ST7: variants seen among roughly 807,000 people sequenced by gnomAD.
ST7 encodes suppressor of tumorigenicity 7 protein.
ST7 carries 28 observed loss-of-function variants against 78.7 expected under a neutral mutation model. That is an observed-to-expected ratio of 0.36 (90% CI 0.26 to 0.49). The LOEUF is 0.49. Ranked by LOEUF, ST7 falls within the 20% of genes least tolerant of loss-of-function variation. ST7 has a pLI of 0.99. For missense variants in ST7, 418 were observed against 696.0 expected, an observed-to-expected ratio of 0.60 and a Z score of 4.49; for synonymous variants, 247 against 249.6, an observed-to-expected ratio of 0.99 and a Z score of 0.10.
At chr7:117,097,393 T>TTGAC (rs1584646888) in intron 1 of ST7, among the ~76,000 whole-genome samples, 2 of 151,914 alleles carry the variant, frequency 1.3e-5, no homozygotes, top group East Asian at 3.9e-4. Context: ...TGGTGTGATC[T>TTGAC]TGACTCACGG....
intron 1 of ST7, among the ~76,000 whole-genome samples, chr7:116,976,115 A>AT (rs563564027): frequency 9.9e-5 from 15 of 152,046 alleles, no homozygotes; most frequent in Non-Finnish European, 2.2e-4. Context: ...TACAAAAAAA[A>AT]TTAGCTGGGC....
At chr7:116,967,256 C>G (rs997466458) in intron 1 of ST7, 5 of 470,636 alleles carry the variant, frequency 1.1e-5, no homozygotes, top group Non-Finnish European at 2.2e-5. Context: ...CTGGAAGACC[C>G]CATTCCCCTG....
chr7:117,086,116 T>C (rs910782514), intron 1 of ST7, among the ~76,000 whole-genome samples: 1 of 152,116 alleles, frequency 6.6e-6, no homozygotes, highest in Non-Finnish European at 1.5e-5. Flanking sequence ...GTTTCTTTCT[T>C]TTTTTTGTTT....
intron 12 of ST7, among the ~76,000 whole-genome samples, chr7:117,197,927 CA>C (rs1028116043): frequency 6.6e-6 from 1 of 151,976 alleles, no homozygotes; most frequent in African/African-American, 2.4e-5. Flanking sequence ...CACAAACAAA[CA>C]AAAAAATTAG....
intron 2 of ST7, among the ~76,000 whole-genome samples, chr7:117,114,139 G>A (rs969283635): frequency 9.9e-5 from 15 of 152,026 alleles, no homozygotes; most frequent in African/African-American, 3.6e-4. Context: ...TGGCTGCAGA[G>A]GGATTGGCTG....
chr7:117,224,135 T>C (rs1158330738), intron 15 of ST7, among the ~76,000 whole-genome samples: 1 of 152,214 alleles, frequency 6.6e-6, no homozygotes, highest in Non-Finnish European at 1.5e-5. Context: ...CATTTGATTA[T>C]TGGATGACTC....
chr7:116,994,998 G>A (rs978830678), intron 1 of ST7, among the ~76,000 whole-genome samples: 1 of 151,972 alleles, frequency 6.6e-6, no homozygotes, highest in Non-Finnish European at 1.5e-5. Context: ...TTCTGGTTGG[G>A]TTTAGCCCAT....
intron 1 of ST7, among the ~76,000 whole-genome samples, chr7:117,064,198 T>C (rs923737729): frequency 3.9e-5 from 6 of 152,150 alleles, no homozygotes. Context: ...GTTTTTTTTC[T>C]TTTATATTAT....
chr7:117,097,908 ATTT>A lies in ST7; in HGVS notation c.152-1836_152-1834del, dbSNP rs751549285. ...TATATATATATATATATATATATAT[ATTT>A]TTTTTTTTTTTTTTTTTGATGGCCA... is the stretch of plus-strand genomic sequence containing the variant. On this transcript the variant is annotated intron_variant, in intron 1 of 15. Transcript: ENST00000323984. Among the ~76,000 whole-genome samples, 131 of 29,984 alleles carry A rather than the reference ATTT, an allele frequency of 4.4e-3. 4 individuals carry two copies. The highest frequency in any genetic ancestry group is 8.5e-3 in the East Asian group (5 of 586). The allele number at this position is 29,984 out of a possible 152,430, so 19.7% of individuals were successfully genotyped here.
intron 1 of ST7, among the ~76,000 whole-genome samples, chr7:117,050,227 AAG>A (rs1797708913): frequency 6.6e-6 from 1 of 151,788 alleles, no homozygotes; most frequent in Non-Finnish European, 1.5e-5. Flanking sequence ...AAAAAAAAAA[AAG>A]AAAAAAAGAA....
At chr7:117,048,425 A>C (rs1797602306) in intron 1 of ST7, among the ~76,000 whole-genome samples, 1 of 152,172 alleles carries the variant, frequency 6.6e-6, no homozygotes, top group Non-Finnish European at 1.5e-5. Context: ...ATCTTCTGGT[A>C]GATTATCTAA....
At chr7:117,102,822 A>G (rs762115976) in intron 2 of ST7, among the ~76,000 whole-genome samples, 5 of 152,274 alleles carry the variant, frequency 3.3e-5, no homozygotes, top group East Asian at 3.9e-4. Context: ...ATGATCTTAT[A>G]TTTAGAAAAA....
chr7:117,059,164 G>A (rs1289714255), intron 1 of ST7, among the ~76,000 whole-genome samples: 1 of 152,108 alleles, frequency 6.6e-6, no homozygotes, highest in Non-Finnish European at 1.5e-5. Context: ...TAATTTAATT[G>A]TACATTTAGA....
chr7:117,062,570 T>C (rs1354531976), intron 1 of ST7, among the ~76,000 whole-genome samples: 2 of 152,218 alleles, frequency 1.3e-5, no homozygotes, highest in South Asian at 2.1e-4. Flanking sequence ...AGCAGTGCCA[T>C]TCATGTGTTT....
At chr7:116,965,164 G>A (rs1346724147) in intron 1 of ST7, among the ~76,000 whole-genome samples, 2 of 151,878 alleles carry the variant, frequency 1.3e-5, no homozygotes, top group South Asian at 2.1e-4. Context: ...ACGGTGAAAC[G>A]CTATCTCTAC....
chr7:117,058,364 A>C (rs1242324729), intron 1 of ST7, among the ~76,000 whole-genome samples: 1 of 152,176 alleles, frequency 6.6e-6, no homozygotes, highest in East Asian at 1.9e-4. Flanking sequence ...ATTAATGATC[A>C]GTTTGCATAA....
At chr7:116,998,347 G>A (rs754261272) in intron 1 of ST7, among the ~76,000 whole-genome samples, 80 of 152,214 alleles carry the variant, frequency 5.3e-4, no homozygotes, top group Non-Finnish European at 6.2e-4. Context: ...CGCAAGTGCC[G>A]TGTGCAGCCC....
intron 10 of ST7, among the ~76,000 whole-genome samples, chr7:117,172,219 A>C (rs903014654): frequency 6.6e-6 from 1 of 152,346 alleles, no homozygotes; most frequent in South Asian, 2.1e-4. Context: ...CACTGGGAGT[A>C]CAGGCGTGAG....
chr7:117,005,218 T>C (rs1795107289), intron 1 of ST7, among the ~76,000 whole-genome samples: 1 of 152,222 alleles, frequency 6.6e-6, no homozygotes, highest in African/African-American at 2.4e-5. Flanking sequence ...TTTATAATAT[T>C]GACAAAAATA....
Sources: gnomAD v4.1 joint callset for allele counts (sites outside exome capture counted in the v4.1 genomes callset) on GRCh38, gnomAD v4.1.1 for gene constraint, MANE v1.5 for transcripts, NCBI Gene and HGNC (gene_info 2026-07-23, HGNC 2026-07-21) for gene names.